TMEM71: variants seen among roughly 807,000 people sequenced by gnomAD.
The protein encoded by TMEM71 is transmembrane protein 71.
A neutral mutation model predicts 38.0 loss-of-function variants in TMEM71; 44 were observed. The observed-to-expected ratio is 1.16, with a 90% CI of 0.91 to 1.49. TMEM71 has a LOEUF of 1.49. Among genes scored for constraint, TMEM71 ranks in the 40% most tolerant of loss-of-function variants. TMEM71 has a pLI of 0.00. For synonymous variants in TMEM71, 133 were observed against 122.5 expected (o/e 1.09, Z -0.56); for missense variants, 367 against 348.6 (o/e 1.05, Z -0.42).
At position 132,747,883 on chromosome 8, in the gene TMEM71, A is replaced by G. The variant is rs555144384; in HGVS notation, c.315-769T>C. 3.3e-5 allele frequency among the ~76,000 whole-genome samples: 5 copies of G among 152,230 alleles called. No homozygotes were observed. In the East Asian group the frequency reaches 7.7e-4, roughly 24 times the overall value. ...GAATTTAGTGTTGGAACAATGGGAGACCTCTAAAGCATGGCTACAGGGAAC... is the reference window on the plus strand; with the variant it reads ...GAATTTAGTGTTGGAACAATGGGAGGCCTCTAAAGCATGGCTACAGGGAAC... On this transcript the variant is annotated intron_variant, in intron 4 of 9. Coordinates refer to ENST00000677595, the MANE Select transcript of TMEM71 (RefSeq NM_001382403.1).
chr8:132,713,637 T>A (rs1323455025), intron 9 of TMEM71, among the ~76,000 whole-genome samples: 3 of 152,196 alleles, frequency 2.0e-5, no homozygotes, highest in Non-Finnish European at 2.9e-5. Context: ...GTAACTGAGA[T>A]CATTTCATGG....
intron 1 of TMEM71, among the ~76,000 whole-genome samples, chr8:132,759,702 T>C (rs1381874850): frequency 6.6e-6 from 1 of 152,222 alleles, no homozygotes; most frequent in Non-Finnish European, 1.5e-5. Flanking sequence ...GATTCACCAC[T>C]TATGGCCACA....
chr8:132,713,981 C>G lies in TMEM71; in HGVS notation c.872+14G>C. 1 of 1,612,808 alleles carries G rather than the reference C, an allele frequency of 6.2e-7. No homozygotes were observed. Among genetic ancestry groups the G allele is most frequent in the Non-Finnish European group, 8.5e-7 (1 of 1,179,034 alleles). On this transcript the variant is annotated intron_variant, in intron 9 of 9. Transcript: ENST00000677595. ...CTTGGTCCAGACAATAATGATGACA[C>G]AGGCAACACTTACCGAGCACAGGCA...
intron 1 of TMEM71, among the ~76,000 whole-genome samples, chr8:132,760,032 C>A (rs1003693911): frequency 2.0e-5 from 3 of 152,100 alleles, no homozygotes; most frequent in Admixed American, 6.5e-5. Context: ...TATGCCCAGC[C>A]CAAATTACCT....
intron 7 of TMEM71, among the ~76,000 whole-genome samples, chr8:132,716,691 C>A (rs1020140039): frequency 3.9e-5 from 6 of 152,098 alleles, no homozygotes; most frequent in African/African-American, 1.2e-4. Context: ...AATCAAACCC[C>A]CTTCGGTATT....
chr8:132,707,580 C>G (rs1826112257), downstream of TMEM71, among the ~76,000 whole-genome samples: 1 of 152,080 alleles, frequency 6.6e-6, no homozygotes, highest in African/African-American at 2.4e-5. Flanking sequence ...CCCCTTTCCT[C>G]CCTTTGGCCT....
intron 5 of TMEM71, among the ~76,000 whole-genome samples, chr8:132,741,919 C>T (rs374196315): frequency 6.6e-6 from 1 of 152,202 alleles, no homozygotes; most frequent in Non-Finnish European, 1.5e-5. Context: ...GGGTGTTGTT[C>T]CTTGACACTT....
chr8:132,727,291 C>T (rs916038850), intron 6 of TMEM71, among the ~76,000 whole-genome samples: 10 of 149,976 alleles, frequency 6.7e-5, no homozygotes, highest in African/African-American at 2.5e-4. Flanking sequence ...GAGTCTCGCT[C>T]TGTCACCCAG....
rs529577510 is a variant in TMEM71, at chr8:132,714,368, G to A, written c.753-153C>T. ...GTATTGGAAAATGGACAGACATACA[G>A]ATCAATGAAAGAGAGTAGACAGCCC... is the stretch of plus-strand genomic sequence containing the variant. On this transcript the variant is annotated intron_variant, in intron 7 of 9. Coordinates refer to ENST00000677595, the MANE Select transcript of TMEM71 (RefSeq NM_001382403.1). 6.6e-5 allele frequency among the ~76,000 whole-genome samples: 10 copies of A among 152,314 alleles called. No homozygotes were observed. The East Asian group carries it at 1.9e-3, about 29-fold the overall frequency.
intron 6 of TMEM71, among the ~76,000 whole-genome samples, chr8:132,723,183 T>G: frequency 6.6e-6 from 1 of 152,244 alleles, no homozygotes; most frequent in Admixed American, 6.5e-5. Flanking sequence ...TCACTGCAAA[T>G]GTACAGTTGT....
intron 5 of TMEM71, among the ~76,000 whole-genome samples, chr8:132,730,920 CAT>C (rs1204120178): frequency 1.3e-5 from 2 of 152,034 alleles, no homozygotes; most frequent in East Asian, 3.9e-4. Flanking sequence ...TGCATGTACA[CAT>C]GAGTCAACAG....
In TMEM71 at chr8:132,757,269, A is replaced by T; in HGVS notation, c.66T>A (p.Tyr22Ter). ...TGCACGTGGGAGACAGCTCTCCAGC[A>T]TATTCTCTTTCCAACCTGGAAGAAC... ...VASSSRLERE[Y>*]AGELSPTCIF... The change falls in exon 3 of 10, where the codon TAT (tyrosine) becomes TAA (stop). Residue 22 changes from tyrosine (Y) to a stop codon, truncating the protein, a stop_gained. Coordinates refer to ENST00000677595, the MANE Select transcript of TMEM71 (RefSeq NM_001382403.1). LOFTEE classifies it high-confidence loss of function. 1.2e-6 allele frequency: 2 copies of T among 1,611,102 alleles called. No homozygotes were observed. Among genetic ancestry groups the T allele is most frequent in the Non-Finnish European group, 1.7e-6 (2 of 1,178,140 alleles).
intron 4 of TMEM71, among the ~76,000 whole-genome samples, chr8:132,750,622 G>A (rs1828654932): frequency 6.6e-6 from 1 of 152,122 alleles, no homozygotes; most frequent in Admixed American, 6.5e-5. Context: ...ATATCATTAA[G>A]ATTTGATAGT....
chr8:132,719,165 C>A (rs979313370), intron 7 of TMEM71, among the ~76,000 whole-genome samples: 1 of 152,186 alleles, frequency 6.6e-6, no homozygotes, highest in Non-Finnish European at 1.5e-5. Flanking sequence ...CTTTAAGGTT[C>A]CTTGGTTGTC....
intron 4 of TMEM71, among the ~76,000 whole-genome samples, chr8:132,747,733 A>C (rs372907202): frequency 2.6e-5 from 4 of 152,360 alleles, no homozygotes; most frequent in Non-Finnish European, 4.4e-5. Context: ...TCTAAGCTGC[A>C]TCAGATGATC....
At chr8:132,729,263 G>A (rs536622953) in intron 5 of TMEM71, among the ~76,000 whole-genome samples, 3 of 152,332 alleles carry the variant, frequency 2.0e-5, no homozygotes, top group Non-Finnish European at 4.4e-5. Context: ...TGGAAAGGAT[G>A]AATGTGTTAA....
At chr8:132,747,784 T>G (rs1586802433) in intron 4 of TMEM71, among the ~76,000 whole-genome samples, 1 of 152,206 alleles carries the variant, frequency 6.6e-6, no homozygotes, top group Non-Finnish European at 1.5e-5. Context: ...GATTAGGTCA[T>G]GCCAAGAAAT....
chr8:132,728,027 T>C lies in TMEM71; in HGVS notation c.488-41A>G, dbSNP rs751129351. On this transcript the variant is annotated intron_variant, in intron 5 of 9. Transcript: ENST00000677595. ...GGTTCAGTGTGAGTGTGTGTGTGTG[T>C]GTGTGTGTGTGTGTGTGTGTGTTCA... The C allele has an allele frequency of 8.0e-6, 11 of 1,376,798 alleles. No individual in the cohort carries two copies. In the African/African-American group the frequency reaches 1.6e-4, roughly 20 times the overall value. 85.3% of individuals were successfully genotyped at this position (1,376,798 alleles called of 1,614,324 possible).
At chr8:132,753,783 C>T (rs369818574) in intron 3 of TMEM71, among the ~76,000 whole-genome samples, 22 of 152,280 alleles carry the variant, frequency 1.4e-4, no homozygotes, top group Non-Finnish European at 2.8e-4. Context: ...TCTCCATTAT[C>T]GGGTTATCTT....
Sources: gnomAD v4.1 joint callset for allele counts (sites outside exome capture counted in the v4.1 genomes callset) on GRCh38, gnomAD v4.1.1 for gene constraint, MANE v1.5 for transcripts, NCBI Gene and HGNC (gene_info 2026-07-23, HGNC 2026-07-21) for gene names.